The following VAV3 variants were observed in gnomAD, a reference collection of about 807,000 sequenced individuals.
The protein encoded by VAV3 is guanine nucleotide exchange factor VAV3.
A neutral mutation model predicts 131.2 loss-of-function variants in VAV3; 94 were observed. That is an observed-to-expected ratio of 0.72 (90% CI 0.61 to 0.85). The LOEUF (loss-of-function observed/expected upper bound fraction) is 0.85, where lower values mean the gene tolerates loss of function less well. Among genes scored for constraint, VAV3 ranks in the 40% least tolerant of loss-of-function variants. The pLI is 0.00. For synonymous variants in VAV3, 349 were observed against 342.0 expected, an observed-to-expected ratio of 1.02 and a Z score of -0.22; for missense variants, 939 against 1,002.7, an observed-to-expected ratio of 0.94 and a Z score of 0.86.
chr1:107,762,517 A>G (rs774827787), intron 9 of VAV3, among the ~76,000 whole-genome samples: 15 of 152,172 alleles, frequency 9.9e-5, no homozygotes, highest in African/African-American at 3.6e-4. Context: ...GCTCTGGATC[A>G]TGGGTCTCAA....
intron 20 of VAV3, among the ~76,000 whole-genome samples, chr1:107,624,044 T>C (rs934777898): frequency 1.3e-5 from 2 of 152,122 alleles, no homozygotes; most frequent in Admixed American, 6.5e-5. Flanking sequence ...TAGTTGATGG[T>C]TTTTCCAATT....
chr1:107,788,024 T>A (rs1666110188), intron 2 of VAV3, among the ~76,000 whole-genome samples: 1 of 152,056 alleles, frequency 6.6e-6, no homozygotes, highest in Non-Finnish European at 1.5e-5. Flanking sequence ...CAGGTCTAAA[T>A]CCTATCAGTC....
At chr1:107,631,806 C>T (rs994453720) in intron 20 of VAV3, among the ~76,000 whole-genome samples, 2 of 152,112 alleles carry the variant, frequency 1.3e-5, no homozygotes, top group Admixed American at 1.3e-4. Flanking sequence ...AGGACATGAA[C>T]TCATCATTTT....
rs142908064 is a variant in VAV3, at chr1:107,578,418, G to A, written c.2351-4220C>T. Among the ~76,000 whole-genome samples the A allele has an allele frequency of 5.3e-3, 799 of 152,160 alleles. 6 individuals are homozygous for A. Among genetic ancestry groups the A allele is most frequent in the African/African-American group, 0.018 (739 of 41,506 alleles). The stretch of plus-strand genomic sequence containing the variant: ...AAATGGTACATTTTCATTTTCTTGA[G>A]ATCATGATATAATTTTAGAGGACAG... On this transcript the variant is annotated intron_variant, in intron 25 of 26. Coordinates refer to ENST00000370056, the MANE Select transcript of VAV3 (RefSeq NM_006113.5).
chr1:107,920,841 A>T (rs1672860858), intron 1 of VAV3, among the ~76,000 whole-genome samples: 1 of 152,192 alleles, frequency 6.6e-6, no homozygotes, highest in Non-Finnish European at 1.5e-5. Flanking sequence ...TGAGGCATAT[A>T]TATATCTCCT....
intron 1 of VAV3, among the ~76,000 whole-genome samples, chr1:107,910,163 C>T (rs1460236187): frequency 1.3e-5 from 2 of 152,170 alleles, no homozygotes; most frequent in African/African-American, 4.8e-5. Flanking sequence ...GATTACACAG[C>T]TACTAAGAGA....
intron 15 of VAV3, among the ~76,000 whole-genome samples, chr1:107,744,224 A>G (rs1663192164): frequency 6.6e-6 from 1 of 152,226 alleles, no homozygotes; most frequent in African/African-American, 2.4e-5. Flanking sequence ...CCTTGTGTTT[A>G]AAAGATAAAC....
rs564999719 is a variant in VAV3 at position 107,891,833 on chromosome 1, C to T, written c.205-16816G>A. Among the ~76,000 whole-genome samples, 68 of 119,620 alleles carry T rather than the reference C, an allele frequency of 5.7e-4. No individual in the cohort carries two copies. The South Asian group carries it at 8.7e-3, about 15-fold the overall frequency. 78.5% of individuals were successfully genotyped at this position (119,620 alleles called of 152,430 possible). On this transcript the variant is annotated intron_variant, in intron 1 of 26. Coordinates refer to ENST00000370056, the MANE Select transcript of VAV3 (RefSeq NM_006113.5). ...CAGCCTGGGGGACACAGCAAGACTC[C>T]GTCTCAAAAAAAAAAAAAAAAAAAA...
chr1:107,842,856 A>G (rs996025966), intron 2 of VAV3, among the ~76,000 whole-genome samples: 1 of 152,182 alleles, frequency 6.6e-6, no homozygotes, highest in East Asian at 1.9e-4. Context: ...AGTCTCTCCA[A>G]TGAGAGAAAT....
At chr1:107,627,436 G>T (rs995196558) in intron 20 of VAV3, among the ~76,000 whole-genome samples, 3 of 152,098 alleles carry the variant, frequency 2.0e-5, no homozygotes, top group African/African-American at 7.2e-5. Flanking sequence ...GAATTGGGAA[G>T]GCAGAATAGT....
chr1:107,795,819 A>G (rs1174553661), intron 2 of VAV3, among the ~76,000 whole-genome samples: 2 of 152,236 alleles, frequency 1.3e-5, no homozygotes, highest in Non-Finnish European at 2.9e-5. Context: ...GGACATTTTG[A>G]CTTTCCTGTT....
intron 1 of VAV3, among the ~76,000 whole-genome samples, chr1:107,908,378 T>G (rs543903747): frequency 3.3e-4 from 51 of 152,332 alleles, no homozygotes; most frequent in African/African-American, 1.2e-3. Flanking sequence ...TTTCTTGATA[T>G]CCTCAAAGTA....
At chr1:107,623,273 C>T (rs957535997) in intron 20 of VAV3, among the ~76,000 whole-genome samples, 2 of 152,206 alleles carry the variant, frequency 1.3e-5, no homozygotes, top group Non-Finnish European at 1.5e-5. Flanking sequence ...TAGGTTGTTA[C>T]AAGGATCAAA....
intron 2 of VAV3, among the ~76,000 whole-genome samples, chr1:107,829,327 A>T (rs369709212): frequency 3.0e-4 from 46 of 152,300 alleles, no homozygotes; most frequent in African/African-American, 8.2e-4. Flanking sequence ...CCCCTGATTT[A>T]TATAGCTTTT....
intron 1 of VAV3, among the ~76,000 whole-genome samples, chr1:107,953,581 C>T (rs1432628287): frequency 6.6e-6 from 1 of 152,128 alleles, no homozygotes; most frequent in African/African-American, 2.4e-5. Context: ...ATGTAAGTAT[C>T]CGCTGCTATT....
chr1:107,617,697 C>T (rs748699326), intron 20 of VAV3, 65 bp from the exon 21 acceptor site: 119 of 1,402,916 alleles, frequency 8.5e-5, no homozygotes, highest in Non-Finnish European at 3.6e-5. Context: ...CCCCATGATG[C>T]CCCATACATA....
chr1:107,691,735 T>C (rs1283490526), intron 17 of VAV3, among the ~76,000 whole-genome samples: 1 of 151,964 alleles, frequency 6.6e-6, no homozygotes, highest in Non-Finnish European at 1.5e-5. Flanking sequence ...CCTCAAGGGG[T>C]TTATACCTTG....
intron 15 of VAV3, among the ~76,000 whole-genome samples, chr1:107,708,334 A>G (rs1052883929): frequency 5.3e-5 from 8 of 152,228 alleles, no homozygotes; most frequent in Non-Finnish European, 1.0e-4. Context: ...TAACTCGCTC[A>G]GTCATGCTGA....
chr1:107,841,633 C>A (rs1003268072), intron 2 of VAV3, among the ~76,000 whole-genome samples: 2 of 152,040 alleles, frequency 1.3e-5, no homozygotes, highest in African/African-American at 4.8e-5. Flanking sequence ...ACTTTAACTG[C>A]GATGGGAAGT....
Sources: allele counts gnomAD v4.1 joint callset (sites outside exome capture counted in the v4.1 genomes callset), GRCh38; gene constraint gnomAD v4.1.1; transcripts MANE v1.5; gene names NCBI Gene and HGNC (gene_info 2026-07-23, HGNC 2026-07-21).